ENTPD4: variants seen among roughly 807,000 people sequenced by gnomAD.
The protein encoded by ENTPD4 is Golgi UDPase.
Under a neutral mutation model 79.1 loss-of-function variants are expected in ENTPD4, and 60 were observed. The observed-to-expected ratio is 0.76, with a 90% confidence interval of 0.62 to 0.94. ENTPD4 has a LOEUF of 0.94. ENTPD4 is among the 40% of genes least tolerant of loss of function. The probability of loss-of-function intolerance (pLI) is 0.00; values close to 1 mark genes in which losing one functional copy is unlikely to be tolerated. For synonymous variants in ENTPD4, 276 were observed against 292.0 expected, an observed-to-expected ratio of 0.95 and a Z score of 0.56; for missense variants, 772 against 775.1, an observed-to-expected ratio of 1.00 and a Z score of 0.05.
rs1473758673 is a variant in ENTPD4, at chr8:23,432,268, C to T, written c.*658G>A. ...GTTTTTTGGTTCTATGAAAGCATCA[C>T]TATTCAGTCCCCTCTCCACTGACAG... On this transcript the variant is annotated 3_prime_UTR_variant, in exon 13 of 13. Coordinates refer to ENST00000358689, the MANE Select transcript of ENTPD4 (RefSeq NM_004901.5). The T allele has an allele frequency of 1.0e-6, 1 of 985,376 alleles. No individual in the cohort carries two copies. The highest frequency in any genetic ancestry group is 1.2e-6 in the Non-Finnish European group (1 of 829,932). The allele number at this position is 985,376 out of a possible 1,614,324, so 61.0% of individuals were successfully genotyped here. A position where few individuals can be genotyped will look rare whatever the true frequency, so the allele number is the denominator to read the frequency against.
chr8:23,454,682 C>T (rs1020674017), intron 1 of ENTPD4, among the ~76,000 whole-genome samples: 2 of 151,794 alleles, frequency 1.3e-5, no homozygotes, highest in African/African-American at 2.4e-5. Context: ...ACTTAGGAAA[C>T]TTTGTGTCAT....
At chr8:23,449,483 G>A (rs889001237) in intron 2 of ENTPD4, among the ~76,000 whole-genome samples, 18 of 152,144 alleles carry the variant, frequency 1.2e-4, no homozygotes, top group African/African-American at 4.3e-4. Flanking sequence ...AGTAATGGGA[G>A]AAAACAGCAT....
intron 6 of ENTPD4, among the ~76,000 whole-genome samples, chr8:23,443,182 G>T (rs1800704079): frequency 6.7e-6 from 1 of 148,358 alleles, no homozygotes. Flanking sequence ...AAAAAAAAAT[G>T]CCTCCCTCTT....
At chr8:23,452,187 C>A (rs1046952617) in intron 1 of ENTPD4, among the ~76,000 whole-genome samples, 4 of 152,116 alleles carry the variant, frequency 2.6e-5, no homozygotes, top group Non-Finnish European at 5.9e-5. Context: ...TTTGTCTCTT[C>A]CCCCAGAATG....
At chr8:23,438,512 C>A (rs989797131) in intron 9 of ENTPD4, among the ~76,000 whole-genome samples, 1 of 152,110 alleles carries the variant, frequency 6.6e-6, no homozygotes, top group African/African-American at 2.4e-5. Flanking sequence ...TATAAAAGTC[C>A]AAGAGTAGTC....
Position 23,429,286 on chromosome 8 carries a change from G to A in ENTPD4, c.*3640C>T. ...CGAGAGTATTATTCTTACTTTGGAT[G>A]GAAGACATCGCTTAAACAAAAAACA... On this transcript the variant is annotated 3_prime_UTR_variant, in exon 13 of 13. Coordinates refer to ENST00000358689, the MANE Select transcript of ENTPD4 (RefSeq NM_004901.5). 1.0e-6 allele frequency: 1 copy of A among 985,392 alleles called. No homozygotes were observed. The highest frequency in any genetic ancestry group is 1.2e-6 in the Non-Finnish European group (1 of 829,912). 61.0% of individuals were successfully genotyped at this position (985,392 alleles called of 1,614,324 possible). A position where few individuals can be genotyped will look rare whatever the true frequency, so the allele number is the denominator to read the frequency against.
chr8:23,443,728 T>G lies in ENTPD4; in HGVS notation c.667+122A>C, dbSNP rs76251172. The G allele has an allele frequency of 3.6e-3, 2,073 of 579,430 alleles. 32 individuals are homozygous for G. The highest frequency in any genetic ancestry group is 0.031 in the African/African-American group (1,642 of 52,316). The allele number at this position is 579,430 out of a possible 1,614,324, so 35.9% of individuals were successfully genotyped here. On this transcript the variant is annotated intron_variant, in intron 6 of 12. Transcript: ENST00000358689. ...TTAGTAATTTAAAAATTGTAATATT[T>G]CAAGGCTATTATTTCCCAAATGTTA...
intron 1 of ENTPD4, among the ~76,000 whole-genome samples, chr8:23,450,260 A>C (rs1800836036): frequency 1.3e-5 from 2 of 152,236 alleles, no homozygotes; most frequent in South Asian, 2.1e-4. Context: ...AAATATCAGG[A>C]TATCAAATAG....
rs1026745489 is a variant in ENTPD4 at position 23,442,169 on chromosome 8, GA to G, written c.668-104del. 8.8e-5 allele frequency: 65 copies of G among 738,840 alleles called. No individual in the cohort carries two copies. The African/African-American group carries it at 1.0e-3, about 12-fold the overall frequency. 45.8% of individuals were successfully genotyped at this position (738,840 alleles called of 1,614,324 possible). A position where few individuals can be genotyped will look rare whatever the true frequency, so the allele number is the denominator to read the frequency against. On this transcript the variant is annotated intron_variant, in intron 6 of 12. Transcript: ENST00000358689. ...AAACGTCTCACTTATTTCACTCCCT[GA>G]TAACCTGTAAAATCATCTGAAATAA...
At position 23,449,811 on chromosome 8, in the gene ENTPD4, C is replaced by T. The variant is rs190049235; in HGVS notation, c.8+82G>A. The stretch of plus-strand genomic sequence containing the variant: ...AGCACAACTTCACATTTTTCACTTG[C>T]GATTTAGATTTTTTTTCTCTCAAGA... On this transcript the variant is annotated intron_variant, in intron 2 of 12. Transcript: ENST00000358689. The T allele has an allele frequency of 1.2e-3, 1,424 of 1,236,746 alleles. 18 individuals carry two copies. The highest frequency in any genetic ancestry group is 0.011 in the South Asian group (934 of 83,580). 76.6% of individuals were successfully genotyped at this position (1,236,746 alleles called of 1,614,324 possible). A position where few individuals can be genotyped will look rare whatever the true frequency, so the allele number is the denominator to read the frequency against.
chr8:23,451,492 T>G (rs1800860816), intron 1 of ENTPD4, among the ~76,000 whole-genome samples: 2 of 152,114 alleles, frequency 1.3e-5, no homozygotes, highest in South Asian at 4.1e-4. Flanking sequence ...TTTATCACCC[T>G]CGGGCAATGA....
intron 9 of ENTPD4, 146 bp from the exon 10 acceptor site, chr8:23,437,404 A>T: frequency 1.6e-6 from 1 of 620,738 alleles, no homozygotes; most frequent in South Asian, 2.3e-5. Context: ...GGGTTCCGAG[A>T]TAATTAGTTA....
intron 6 of ENTPD4, 36 bp from the exon 7 acceptor site, chr8:23,442,102 T>C (rs770124329): frequency 8.6e-6 from 13 of 1,516,880 alleles, no homozygotes; most frequent in South Asian, 1.1e-5. Flanking sequence ...GAAGAAAAAG[T>C]TTTAAAACAT....
chr8:23,441,546 A>C, intron 8 of ENTPD4, 23 bp downstream of exon 8: 1 of 1,605,908 alleles, frequency 6.2e-7, no homozygotes, highest in Non-Finnish European at 8.5e-7. Flanking sequence ...ACCAAACAGA[A>C]GGAAATTTGT....
intron 7 of ENTPD4, 68 bp downstream of exon 7, chr8:23,441,939 A>T: frequency 7.2e-7 from 1 of 1,395,104 alleles, no homozygotes; most frequent in Non-Finnish European, 1.0e-6. Context: ...CTCTTTTTTC[A>T]GCCTTTGGAT....
Position 23,448,947 on chromosome 8 carries a change from T to C in ENTPD4, c.9-8A>G, listed in dbSNP as rs764681114. On this transcript the variant is annotated splice_region_variant and splice_polypyrimidine_tract_variant and intron_variant, in intron 2 of 12. Coordinates refer to ENST00000358689, the MANE Select transcript of ENTPD4 (RefSeq NM_004901.5). ...AGACAGGAGATGCCAATCCTGAAAT[T>C]AGAAGGAAAAAGATTTTAAAGCAAT... 24 of 1,610,008 alleles carry C rather than the reference T, an allele frequency of 1.5e-5. No individual in the cohort carries two copies. The highest frequency in any genetic ancestry group is 2.0e-5 in the Non-Finnish European group (24 of 1,177,658).
At chr8:23,451,612 C>A (rs993608055) in intron 1 of ENTPD4, among the ~76,000 whole-genome samples, 6 of 152,202 alleles carry the variant, frequency 3.9e-5, no homozygotes, top group African/African-American at 1.4e-4. Context: ...CAAAGCCCTA[C>A]AGGATCTAAC....
chr8:23,429,470 A>G lies in ENTPD4; in HGVS notation c.*3456T>C. ...ACTGAAATAAATAACTAAGTAATTT[A>G]CTGAAAGGTAGTTTTGTTGCATTGC... On this transcript the variant is annotated 3_prime_UTR_variant, in exon 13 of 13. Coordinates refer to ENST00000358689, the MANE Select transcript of ENTPD4 (RefSeq NM_004901.5). 1.0e-6 allele frequency: 1 copy of G among 985,328 alleles called. No individual in the cohort carries two copies. The highest frequency in any genetic ancestry group is 1.2e-6 in the Non-Finnish European group (1 of 829,798). The allele number at this position is 985,328 out of a possible 1,614,324, so 61.0% of individuals were successfully genotyped here.
chr8:23,444,851 T>C (rs768107824), intron 4 of ENTPD4, among the ~76,000 whole-genome samples: 2 of 152,182 alleles, frequency 1.3e-5, no homozygotes, highest in African/African-American at 2.4e-5. Flanking sequence ...GTCACTGCCA[T>C]GCGCATGGGC....
Sources: allele counts gnomAD v4.1 joint callset (sites outside exome capture counted in the v4.1 genomes callset), GRCh38; gene constraint gnomAD v4.1.1; transcripts MANE v1.5; gene names NCBI Gene and HGNC (gene_info 2026-07-23, HGNC 2026-07-21).